ZYG11A: variants seen among roughly 807,000 people sequenced by gnomAD.
ZYG11A encodes the protein protein zyg-11 homolog A.
A neutral mutation model predicts 77.2 loss-of-function variants in ZYG11A; 62 were observed. That is an observed-to-expected ratio of 0.80 (90% CI 0.65 to 0.99). The LOEUF (loss-of-function observed/expected upper bound fraction) is 0.99. ZYG11A is among the 50% of genes least tolerant of loss of function. ZYG11A has a pLI of 0.00. For missense variants in ZYG11A, 828 were observed against 896.8 expected, an observed-to-expected ratio of 0.92 and a Z score of 0.98; for synonymous variants, 315 against 324.6, an observed-to-expected ratio of 0.97 and a Z score of 0.32.
chr1:52,879,039 A>G (rs1012893642), intron 10 of ZYG11A, among the ~76,000 whole-genome samples: 2 of 151,218 alleles, frequency 1.3e-5, no homozygotes, highest in African/African-American at 4.9e-5. Flanking sequence ...TCACTTTACT[A>G]TACTACTTCT....
At chr1:52,854,096 T>C (rs1220346204) in intron 1 of ZYG11A, among the ~76,000 whole-genome samples, 1 of 152,104 alleles carries the variant, frequency 6.6e-6, no homozygotes, top group Non-Finnish European at 1.5e-5. Context: ...ATTTATACTG[T>C]ATTAGTGTTT....
chr1:52,882,979 C>CTCATCTTTTCTTTTCTTTTTTTTTTTTTT (rs1553124936), intron 11 of ZYG11A, among the ~76,000 whole-genome samples: 1 of 150,130 alleles, frequency 6.7e-6, no homozygotes, highest in African/African-American at 2.5e-5. Flanking sequence ...CCTTCCCAGA[C>CTCATCTTTTCTTTTCTTTTTTTTTTTTTT]TCATCTTTTC....
At chr1:52,892,561 G>T (rs1369076598) in intron 13 of ZYG11A, among the ~76,000 whole-genome samples, 1 of 151,750 alleles carries the variant, frequency 6.6e-6, no homozygotes, top group Non-Finnish European at 1.5e-5. Context: ...TTGAAGCATA[G>T]AGTTGTCTGG....
intron 1 of ZYG11A, among the ~76,000 whole-genome samples, chr1:52,854,194 G>C (rs1645765496): frequency 1.3e-5 from 2 of 152,172 alleles, no homozygotes; most frequent in Admixed American, 1.3e-4. Context: ...AAGGAGACTT[G>C]AGCATCTGTG....
At chr1:52,861,696 C>CA (rs11425088) in intron 4 of ZYG11A, among the ~76,000 whole-genome samples, 71,216 of 150,476 alleles carry the variant, frequency 0.47, 18,152 homozygotes, top group Non-Finnish European at 0.59. Flanking sequence ...GAGCGAGACT[C>CA]AAAAAAAAAT....
chr1:52,889,111 T>C (rs745694543), intron 13 of ZYG11A, among the ~76,000 whole-genome samples: 1 of 152,100 alleles, frequency 6.6e-6, no homozygotes, highest in Non-Finnish European at 1.5e-5. Context: ...TTATTTTATT[T>C]TATTTTTAAA....
chr1:52,860,955 A>C, intron 4 of ZYG11A, 84 bp downstream of exon 4: 1 of 1,286,930 alleles, frequency 7.8e-7, no homozygotes, highest in Non-Finnish European at 1.1e-6. Context: ...GAATATAATA[A>C]ATTATATGCT....
rs1646367544 is a variant in ZYG11A at position 52,881,823 on chromosome 1, A to T, written c.1944+158A>T. The stretch of plus-strand genomic sequence containing the variant: ...TTTCCATCCAAAACTATCTCTGTTA[A>T]CATTTTGTTGCATATGACTTACTTC... On this transcript the variant is annotated intron_variant, in intron 11 of 13. Coordinates refer to ENST00000371528, the MANE Select transcript of ZYG11A (RefSeq NM_001004339.3). The T allele has an allele frequency of 1.4e-5, 8 of 580,622 alleles. No individual in the cohort carries two copies. In the South Asian group the frequency reaches 2.4e-4, roughly 17 times the overall value. The allele number at this position is 580,622 out of a possible 1,614,324, so 36.0% of individuals were successfully genotyped here. A position where few individuals can be genotyped will look rare whatever the true frequency, so the allele number is the denominator to read the frequency against.
Position 52,860,855 on chromosome 1 carries a change from T to C in ZYG11A, c.1133T>C (p.Met378Thr). ...GAGACATTTTCAATGGAGGTAACCATGCCTGCTATTTTAAAGGTAATTGAA... is the reference window on the plus strand; with the variant it reads ...GAGACATTTTCAATGGAGGTAACCACGCCTGCTATTTTAAAGGTAATTGAA... ...FTETFSMEVT[M>T]PAILKLVAIG... Residue 378 changes from methionine (M) to threonine (T), a missense_variant, in exon 4 of 14, where the codon ATG (methionine) becomes ACG (threonine). By Grantham distance (81) the Met-to-Thr change is moderately conservative. Coordinates refer to ENST00000371528, the MANE Select transcript of ZYG11A (RefSeq NM_001004339.3). 6.4e-7 allele frequency: 1 copy of C among 1,550,838 alleles called. No homozygotes were observed. Among genetic ancestry groups the C allele is most frequent in the Non-Finnish European group, 8.7e-7 (1 of 1,146,824 alleles).
chr1:52,871,775 G>T (rs1396667113), intron 8 of ZYG11A, among the ~76,000 whole-genome samples: 1 of 152,066 alleles, frequency 6.6e-6, no homozygotes, highest in Non-Finnish European at 1.5e-5. Flanking sequence ...TGTTGTTTCT[G>T]TGCAGACACC....
intron 11 of ZYG11A, among the ~76,000 whole-genome samples, chr1:52,883,810 A>G (rs1243022863): frequency 6.6e-6 from 1 of 151,926 alleles, no homozygotes; most frequent in Non-Finnish European, 1.5e-5. Flanking sequence ...CCATTGTGTT[A>G]GAGATTTTCC....
In ZYG11A at chr1:52,846,324, A is replaced by C. The variant is rs1472380407; in HGVS notation, c.90+3351A>C. 1.3e-3 allele frequency among the ~76,000 whole-genome samples: 8 copies of C among 6,026 alleles called. 1 individual carries two copies. Among genetic ancestry groups the C allele is most frequent in the African/African-American group, 6.3e-3 (8 of 1,268 alleles). 4.0% of individuals were successfully genotyped at this position (6,026 alleles called of 152,430 possible). A position where few individuals can be genotyped will look rare whatever the true frequency, so the allele number is the denominator to read the frequency against. ...TTTTTAAATTTTTATATATATATAT[A>C]TATATATATATATATATATATATAT... On this transcript the variant is annotated intron_variant, in intron 1 of 13. Transcript: ENST00000371528.
At chr1:52,880,194 C>G (rs1311680359) in intron 10 of ZYG11A, among the ~76,000 whole-genome samples, 1 of 149,150 alleles carries the variant, frequency 6.7e-6, no homozygotes, top group East Asian at 2.0e-4. Context: ...ATATGATAGA[C>G]TTAACACTGA....
chr1:52,861,223 G>A (rs536862187), intron 4 of ZYG11A, among the ~76,000 whole-genome samples: 112 of 152,240 alleles, frequency 7.4e-4, no homozygotes, highest in African/African-American at 2.6e-3. Context: ...TGCTTTTATC[G>A]ATATAGCCAA....
Position 52,867,722 on chromosome 1 carries a change from T to C in ZYG11A, c.1492-5T>C, listed in dbSNP as rs1403346349. 1 of 1,551,586 alleles carries C rather than the reference T, an allele frequency of 6.4e-7. No homozygotes were observed. Among genetic ancestry groups the C allele is most frequent in the Admixed American group, 2.0e-5 (1 of 50,976 alleles). The stretch of plus-strand genomic sequence containing the variant: ...GTTCACTTGAGCCTTTCTGTTTGCT[T>C]ATAGCTCTCACCTGAGCAAACGGCA... On this transcript the variant is annotated splice_polypyrimidine_tract_variant and splice_region_variant and intron_variant, in intron 7 of 13. Coordinates refer to ENST00000371528, the MANE Select transcript of ZYG11A (RefSeq NM_001004339.3).
chr1:52,878,023 C>A, intron 10 of ZYG11A, 54 bp downstream of exon 10: 3 of 1,424,490 alleles, frequency 2.1e-6, no homozygotes, highest in Non-Finnish European at 2.9e-6. Context: ...AAACCTAACA[C>A]TTATATAGTA....
intron 1 of ZYG11A, among the ~76,000 whole-genome samples, chr1:52,853,332 T>G (rs962177985): frequency 3.3e-5 from 5 of 152,254 alleles, no homozygotes; most frequent in African/African-American, 9.6e-5. Flanking sequence ...TAGCCTCACC[T>G]TACTGTCAGT....
chr1:52,881,737 CATA>C (rs1220487966), intron 11 of ZYG11A, 72 bp downstream of exon 11: 35 of 1,198,594 alleles, frequency 2.9e-5, no homozygotes, highest in Non-Finnish European at 3.9e-5. Flanking sequence ...TTTCCTAAAT[CATA>C]ATAATATGAT....
chr1:52,856,874 C>A lies in ZYG11A; in HGVS notation c.257-124C>A, dbSNP rs1003591643. The A allele has an allele frequency of 9.2e-5, 93 of 1,010,874 alleles. No individual in the cohort carries two copies. In the African/African-American group the frequency reaches 1.4e-3, roughly 16 times the overall value. 62.6% of individuals were successfully genotyped at this position (1,010,874 alleles called of 1,614,324 possible). A position where few individuals can be genotyped will look rare whatever the true frequency, so the allele number is the denominator to read the frequency against. On this transcript the variant is annotated intron_variant, in intron 2 of 13. Coordinates refer to ENST00000371528, the MANE Select transcript of ZYG11A (RefSeq NM_001004339.3). ...TTAAAGGAGTTTAGAACAATGCTAGCACAGAGCAGTAAATGTTGTCATTAT... is the reference window on the plus strand; with the variant it reads ...TTAAAGGAGTTTAGAACAATGCTAGAACAGAGCAGTAAATGTTGTCATTAT...
Sources: gnomAD v4.1 joint callset for allele counts (sites outside exome capture counted in the v4.1 genomes callset) on GRCh38, gnomAD v4.1.1 for gene constraint, MANE v1.5 for transcripts, NCBI Gene and HGNC (gene_info 2026-07-23, HGNC 2026-07-21) for gene names.